Variants in FAAH2 observed in about 807,000 individuals in gnomAD.
FAAH2 encodes the protein fatty acid amide hydrolase 2, also known as fatty-acid amide hydrolase 2.
FAAH2 carries 60 observed loss-of-function variants against 36.9 expected under a neutral mutation model. That is an observed-to-expected ratio of 1.63 (90% CI 1.32 to 2.02). The LOEUF (loss-of-function observed/expected upper bound fraction) is 2.02. Among genes scored for constraint, FAAH2 ranks in the 30% most tolerant of loss-of-function variants. The pLI, the probability that FAAH2 is intolerant of heterozygous loss-of-function variation, is 0.00. For synonymous variants in FAAH2, 214 were observed against 143.8 expected (o/e 1.49, Z -3.49); for missense variants, 689 against 397.5 (o/e 1.73, Z -6.23).
At chrX:57,443,641 G>T (rs759480885) in intron 8 of FAAH2, among the ~76,000 whole-genome samples, 1 of 112,130 alleles carries the variant, frequency 8.9e-6, no homozygotes, top group South Asian at 3.7e-4. Context: ...ATCCAGCTTT[G>T]TTCTGTTGCT....
intron 5 of FAAH2, among the ~76,000 whole-genome samples, chrX:57,378,232 A>G (rs1167476739): frequency 8.9e-6 from 1 of 112,074 alleles, no homozygotes; most frequent in Non-Finnish European, 1.9e-5. Context: ...CTGTTTAGGT[A>G]TCAGGTTGCA....
intron 5 of FAAH2, among the ~76,000 whole-genome samples, chrX:57,343,292 A>G (rs1225157273): frequency 9.0e-6 from 1 of 110,882 alleles, no homozygotes; most frequent in Non-Finnish European, 1.9e-5. Flanking sequence ...TTATTTTTGG[A>G]TTTTTTCAAT....
At chrX:57,440,784 C>G (rs4826554) in intron 8 of FAAH2, among the ~76,000 whole-genome samples, 39,998 of 110,446 alleles carry the variant, frequency 0.36, 6,214 homozygotes, top group Middle Eastern at 0.61. Context: ...CCATCAATAC[C>G]TACTTTATGG....
At chrX:57,420,151 A>C (rs190766020) in intron 7 of FAAH2, among the ~76,000 whole-genome samples, 5 of 111,004 alleles carry the variant, frequency 4.5e-5, no homozygotes, top group Non-Finnish European at 7.6e-5. Context: ...GTCAGGTAGC[A>C]TGATGCCTCC....
At chrX:57,262,666 G>T in the FAAH2 span, among the ~76,000 whole-genome samples, 1 of 111,241 alleles carries the variant, frequency 9.0e-6, no homozygotes, top group Admixed American at 9.6e-5. Flanking sequence ...GTCTAATGAG[G>T]AAATCTCAGA....
intron 8 of FAAH2, among the ~76,000 whole-genome samples, chrX:57,443,132 T>A (rs962482545): frequency 8.9e-6 from 1 of 111,897 alleles, no homozygotes; most frequent in Non-Finnish European, 1.9e-5. Flanking sequence ...GCATTCTCTG[T>A]AGTTCCTGAA....
chrX:57,450,854 T>C (rs1271104123), intron 10 of FAAH2, among the ~76,000 whole-genome samples: 1 of 111,576 alleles, frequency 9.0e-6, no homozygotes, highest in Non-Finnish European at 1.9e-5. Context: ...ATACCATTTA[T>C]TGGAGACATG....
At chrX:57,311,486 C>T (rs1400313870) in intron 3 of FAAH2, among the ~76,000 whole-genome samples, 2 of 111,812 alleles carry the variant, frequency 1.8e-5, no homozygotes, top group African/African-American at 6.5e-5. Context: ...TGATGGAGAG[C>T]AGGCAGAGAT....
intron 5 of FAAH2, among the ~76,000 whole-genome samples, chrX:57,348,712 A>C (rs1017599622): frequency 1.5e-4 from 17 of 111,712 alleles, no homozygotes; most frequent in Non-Finnish European, 3.0e-4. Flanking sequence ...ACAGAGATTT[A>C]ACTGCTGCAT....
chrX:57,321,425 T>G (rs1035966303), intron 3 of FAAH2, among the ~76,000 whole-genome samples: 6 of 109,669 alleles, frequency 5.5e-5, no homozygotes, highest in Non-Finnish European at 1.1e-4. Flanking sequence ...TATACCTATG[T>G]AAAAACCTGC....
chrX:57,291,516 A>G (rs910831091), intron 1 of FAAH2, among the ~76,000 whole-genome samples: 1 of 112,154 alleles, frequency 8.9e-6, no homozygotes, highest in African/African-American at 3.2e-5. Context: ...TTTTAAAACC[A>G]AATTTAATGC....
Position 57,341,312 on chromosome X carries a change from G to A in FAAH2, c.664G>A (p.Gly222Ser). 3 of 1,209,858 alleles carry A rather than the reference G, an allele frequency of 2.5e-6. No individual in the cohort carries two copies. Among genetic ancestry groups the A allele is most frequent in the South Asian group, 3.5e-5 (2 of 56,799 alleles). The change falls in exon 5 of 11, where the codon GGT (glycine) becomes AGT (serine). Residue 222 changes from glycine to serine, a missense_variant. Physicochemically the swap from Gly to Ser is moderately conservative, Grantham distance 56. Transcript: ENST00000374900. ...ACTGGCAGCTGCCTGCTCAGTTATT[G>A]GTGTGGGCTCTGATATTGGTGGTAG... ...CTLAAACSVIGVGSDIGGSIR... is the reference protein window; with the variant it reads ...CTLAAACSVISVGSDIGGSIR...
At chrX:57,486,243 T>A (rs1569379331) in intron 10 of FAAH2, among the ~76,000 whole-genome samples, 1 of 111,627 alleles carries the variant, frequency 9.0e-6, no homozygotes, top group African/African-American at 3.3e-5. Context: ...ACACATTAGG[T>A]ACTTCCTTTC....
rs764511331 is a variant in FAAH2, at chrX:57,410,920, T to C, written c.997-20998T>C. On this transcript the variant is annotated intron_variant, in intron 7 of 10. Coordinates refer to ENST00000374900, the MANE Select transcript of FAAH2 (RefSeq NM_174912.4). Reference sequence around the variant, plus strand: ...ATTTTGAATTCTTTGTCAGGCAATTTGTAGTTCTATATTTCTTTGGGGTCA... The same window carrying C: ...ATTTTGAATTCTTTGTCAGGCAATTCGTAGTTCTATATTTCTTTGGGGTCA... Among the ~76,000 whole-genome samples, 10 of 112,010 alleles carry C rather than the reference T, an allele frequency of 8.9e-5. No homozygotes were observed. The Admixed American group carries it at 9.5e-4, about 11-fold the overall frequency.
At chrX:57,216,600 A>ATATATATACG in the FAAH2 span, among the ~76,000 whole-genome samples, 502 of 42,847 alleles carry the variant, frequency 0.012, 145 homozygotes, top group Admixed American at 0.016. Flanking sequence ...ATATATATGT[A>ATATATATACG]TATATATACG....
intron 2 of FAAH2, among the ~76,000 whole-genome samples, chrX:57,301,482 T>G (rs1212676874): frequency 2.0e-5 from 2 of 98,564 alleles, no homozygotes; most frequent in Non-Finnish European, 4.1e-5. Context: ...GGAGGGGGGA[T>G]GGATAGCATT....
chrX:57,457,699 A>C (rs2056885552), intron 10 of FAAH2, among the ~76,000 whole-genome samples: 1 of 34,869 alleles, frequency 2.9e-5, no homozygotes, highest in Admixed American at 4.9e-4. Context: ...TACAATAGCC[A>C]CAAAAAAAAA....
At chrX:57,441,606 C>A (rs1170280386) in intron 8 of FAAH2, among the ~76,000 whole-genome samples, 2 of 109,572 alleles carry the variant, frequency 1.8e-5, no homozygotes, top group Non-Finnish European at 3.8e-5. Context: ...GTGTCTATCT[C>A]CTTCAGTTCT....
chrX:57,290,378 T>A, intron 1 of FAAH2: 1 of 526,329 alleles, frequency 1.9e-6, no homozygotes, highest in Non-Finnish European at 2.3e-6. Flanking sequence ...TTATGGTGGC[T>A]GAAATCTCTG....
Sources: allele counts gnomAD v4.1 joint callset (sites outside exome capture counted in the v4.1 genomes callset), GRCh38; gene constraint gnomAD v4.1.1; transcripts MANE v1.5; gene names NCBI Gene and HGNC (gene_info 2026-07-23, HGNC 2026-07-21).